Variants in NKAIN2 observed in about 807,000 individuals in gnomAD.
The protein encoded by NKAIN2 is sodium/potassium-transporting ATPase subunit beta-1-interacting protein 2.
Under a neutral mutation model 32.6 loss-of-function variants are expected in NKAIN2, and 14 were observed. That is an observed-to-expected ratio of 0.43 (90% CI 0.28 to 0.67). The LOEUF (loss-of-function observed/expected upper bound fraction) is 0.67. Among genes scored for constraint, NKAIN2 ranks in the 30% least tolerant of loss-of-function variants. The pLI is 0.17. For missense variants in NKAIN2, 198 were observed against 258.3 expected (o/e 0.77, Z 1.60); for synonymous variants, 80 against 87.2 (o/e 0.92, Z 0.46).
At chr6:124,139,982 T>C (rs1011364145) in intron 1 of NKAIN2, among the ~76,000 whole-genome samples, 1 of 152,208 alleles carries the variant, frequency 6.6e-6, no homozygotes, top group African/African-American at 2.4e-5. Context: ...ATTTTTATTT[T>C]CTTCACTGGA....
chr6:124,488,658 T>C (rs1777745862), intron 3 of NKAIN2, among the ~76,000 whole-genome samples: 1 of 152,020 alleles, frequency 6.6e-6, no homozygotes, highest in South Asian at 2.1e-4. Context: ...TTGCTTCCAA[T>C]CTCATGTTGA....
At chr6:124,434,145 G>A (rs183988661) in intron 3 of NKAIN2, among the ~76,000 whole-genome samples, 2 of 152,296 alleles carry the variant, frequency 1.3e-5, no homozygotes, top group East Asian at 3.9e-4. Flanking sequence ...AAGGTGGAGA[G>A]GTGGGTTTGG....
intron 1 of NKAIN2, among the ~76,000 whole-genome samples, chr6:123,904,376 AG>A (rs2114428202): frequency 6.6e-6 from 1 of 152,356 alleles, no homozygotes; most frequent in Non-Finnish European, 1.5e-5. Context: ...GCATAATGCC[AG>A]GTCATCTATG....
At chr6:124,787,469 G>T (rs897757285) in intron 4 of NKAIN2, among the ~76,000 whole-genome samples, 11 of 152,060 alleles carry the variant, frequency 7.2e-5, no homozygotes, top group Non-Finnish European at 1.6e-4. Context: ...CATTACTGGA[G>T]GTGCAAGGCT....
At chr6:124,618,169 G>T (rs1308644810) in intron 3 of NKAIN2, among the ~76,000 whole-genome samples, 1 of 152,032 alleles carries the variant, frequency 6.6e-6, no homozygotes, top group Non-Finnish European at 1.5e-5. Context: ...ACCTTATTTT[G>T]AATTACTTGA....
At chr6:124,524,979 A>G (rs1190322686) in intron 3 of NKAIN2, among the ~76,000 whole-genome samples, 1 of 152,176 alleles carries the variant, frequency 6.6e-6, no homozygotes, top group Non-Finnish European at 1.5e-5. Context: ...AAGATTCCTC[A>G]GCATGGAATG....
At chr6:124,706,644 T>C (rs1467024162) in intron 4 of NKAIN2, among the ~76,000 whole-genome samples, 1 of 152,108 alleles carries the variant, frequency 6.6e-6, no homozygotes, top group Non-Finnish European at 1.5e-5. Flanking sequence ...TGAAAGCAGA[T>C]AGAAAAGTCT....
chr6:124,734,290 C>A (rs1192766405), intron 4 of NKAIN2, among the ~76,000 whole-genome samples: 5 of 151,804 alleles, frequency 3.3e-5, no homozygotes, highest in Admixed American at 2.0e-4. Flanking sequence ...GCTGTTATCT[C>A]TGCTGGGCTT....
Position 124,472,980 on chromosome 6 carries a change from G to C in NKAIN2, c.273+117633G>C, listed in dbSNP as rs776362397. ...AATTTCATACTCTCTGCCTCCTCTC[G>C]CTGGAGAATAGCAGGACTCACCAGT... On this transcript the variant is annotated intron_variant, in intron 3 of 6. Coordinates refer to ENST00000368417, the MANE Select transcript of NKAIN2 (RefSeq NM_001040214.3). Among the ~76,000 whole-genome samples the C allele has an allele frequency of 3.3e-5, 5 of 152,032 alleles. No individual in the cohort carries two copies. The South Asian group carries it at 1.0e-3, about 31-fold the overall frequency.
intron 1 of NKAIN2, among the ~76,000 whole-genome samples, chr6:124,052,672 C>A (rs1420420895): frequency 6.6e-6 from 1 of 151,992 alleles, no homozygotes; most frequent in African/African-American, 2.4e-5. Context: ...GTATGAGGAA[C>A]TATGGGGGAT....
At chr6:124,792,300 G>C (rs1376659966) in intron 5 of NKAIN2, among the ~76,000 whole-genome samples, 1 of 152,034 alleles carries the variant, frequency 6.6e-6, no homozygotes. Flanking sequence ...ATAAATATCT[G>C]TTTCTTCTTC....
At chr6:124,093,890 C>A (rs1784537768) in intron 1 of NKAIN2, among the ~76,000 whole-genome samples, 1 of 152,084 alleles carries the variant, frequency 6.6e-6, no homozygotes, top group African/African-American at 2.4e-5. Context: ...TAGCATCATC[C>A]ATTTTCTTCA....
At chr6:124,750,090 C>T (rs1777638497) in intron 4 of NKAIN2, among the ~76,000 whole-genome samples, 2 of 151,828 alleles carry the variant, frequency 1.3e-5, no homozygotes, top group Admixed American at 1.3e-4. Flanking sequence ...TCAGAAGCTC[C>T]TTTGCCTGTG....
chr6:124,746,786 A>G (rs992573855), intron 4 of NKAIN2, among the ~76,000 whole-genome samples: 1 of 151,910 alleles, frequency 6.6e-6, no homozygotes, highest in African/African-American at 2.4e-5. Context: ...ACTCGGTTCT[A>G]CCATCAATAA....
At chr6:123,812,448 A>G (rs1305919869) in intron 1 of NKAIN2, among the ~76,000 whole-genome samples, 1 of 152,170 alleles carries the variant, frequency 6.6e-6, no homozygotes, top group Admixed American at 6.5e-5. Context: ...ATGCTTGGCT[A>G]TTTTATATTA....
chr6:124,592,714 T>A (rs1781954220), intron 3 of NKAIN2, among the ~76,000 whole-genome samples: 2 of 152,198 alleles, frequency 1.3e-5, no homozygotes, highest in South Asian at 4.1e-4. Context: ...TACAGTCCTC[T>A]TATCATGTAG....
At chr6:124,111,580 A>G (rs1009487756) in intron 1 of NKAIN2, among the ~76,000 whole-genome samples, 20 of 152,130 alleles carry the variant, frequency 1.3e-4, no homozygotes, top group African/African-American at 3.9e-4. Context: ...CTTTCAGCCA[A>G]TGTGTGTCCT....
At chr6:124,376,350 G>A (rs749347588) in intron 3 of NKAIN2, among the ~76,000 whole-genome samples, 2 of 152,034 alleles carry the variant, frequency 1.3e-5, no homozygotes, top group South Asian at 4.1e-4. Flanking sequence ...AAGAACATAT[G>A]TTGGTTTTGA....
At chr6:123,833,956 G>T (rs186712318) in intron 1 of NKAIN2, among the ~76,000 whole-genome samples, 2 of 151,660 alleles carry the variant, frequency 1.3e-5, no homozygotes, top group Non-Finnish European at 2.9e-5. Flanking sequence ...TCAAACACCC[G>T]ACCTCTTGAT....
Sources: gnomAD v4.1 joint callset for allele counts (sites outside exome capture counted in the v4.1 genomes callset) on GRCh38, gnomAD v4.1.1 for gene constraint, MANE v1.5 for transcripts, NCBI Gene and HGNC (gene_info 2026-07-23, HGNC 2026-07-21) for gene names.